PTPRK: variants seen among roughly 807,000 people sequenced by gnomAD.
PTPRK encodes protein tyrosine phosphatase receptor type K.
PTPRK carries 75 observed loss-of-function variants against 178.0 expected under a neutral mutation model. The ratio of observed to expected loss-of-function variants is 0.42; its 90% CI spans 0.35 to 0.51. PTPRK has a LOEUF of 0.51. Ranked by LOEUF, PTPRK falls within the 20% of genes least tolerant of loss-of-function variation. The pLI is 0.02. For missense variants in PTPRK, 1,441 were observed against 1,797.8 expected, an observed-to-expected ratio of 0.80 and a Z score of 3.59; for synonymous variants, 637 against 620.6, an observed-to-expected ratio of 1.03 and a Z score of -0.39.
chr6:128,092,141 G>A (rs759578333), intron 7 of PTPRK, among the ~76,000 whole-genome samples: 1 of 152,140 alleles, frequency 6.6e-6, no homozygotes, highest in African/African-American at 2.4e-5. Flanking sequence ...TAATTTCAGT[G>A]ACCAATACTT....
intron 27 of PTPRK, among the ~76,000 whole-genome samples, chr6:127,976,136 T>C (rs1003163443): frequency 2.0e-5 from 3 of 152,180 alleles, no homozygotes; most frequent in Non-Finnish European, 4.4e-5. Flanking sequence ...CTTAGAGCCA[T>C]AGGTTGAGAC....
intron 7 of PTPRK, among the ~76,000 whole-genome samples, chr6:128,125,609 T>C (rs1793228044): frequency 1.5e-5 from 2 of 130,070 alleles, no homozygotes; most frequent in African/African-American, 2.9e-5. Flanking sequence ...TTTCTTTTTT[T>C]TTTTTTTTTT....
Position 128,067,677 on chromosome 6 carries a change from G to A in PTPRK, c.1999C>T (p.Pro667Ser). 1.2e-6 allele frequency: 2 copies of A among 1,613,746 alleles called. No homozygotes were observed. The highest frequency in any genetic ancestry group is 1.7e-6 in the Non-Finnish European group (2 of 1,179,762). ...TYQNAMSGGA[P>S]YYFAAELPPG... The stretch of plus-strand genomic sequence containing the variant: ...GGGAGTTCTGCAGCAAAGTAATACG[G>A]TGCACCCCCACTCATGGCATTTTGG... The change falls in exon 12 of 30, where the codon CCG becomes TCG. Residue 667 changes from proline (P) to serine (S), a missense_variant. Coordinates refer to ENST00000368226, the MANE Select transcript of PTPRK (RefSeq NM_002844.4).
At chr6:128,505,606 T>C (rs1184966516) in intron 1 of PTPRK, among the ~76,000 whole-genome samples, 1 of 152,200 alleles carries the variant, frequency 6.6e-6, no homozygotes, top group Non-Finnish European at 1.5e-5. Flanking sequence ...CATTCAAGCC[T>C]GCAGTGCAAA....
chr6:128,049,479 A>G (rs1778637885), intron 13 of PTPRK, among the ~76,000 whole-genome samples: 1 of 152,100 alleles, frequency 6.6e-6, no homozygotes. Context: ...GGTTCCACAA[A>G]TAACTATTTA....
intron 2 of PTPRK, among the ~76,000 whole-genome samples, chr6:128,344,096 C>T (rs548750445): frequency 1.3e-5 from 2 of 152,320 alleles, no homozygotes; most frequent in South Asian, 4.1e-4. Flanking sequence ...GTGTTCCAAG[C>T]ATTTGATAGA....
chr6:127,999,205 A>T (rs1207408737), intron 15 of PTPRK, among the ~76,000 whole-genome samples: 1 of 152,022 alleles, frequency 6.6e-6, no homozygotes, highest in Non-Finnish European at 1.5e-5. Flanking sequence ...TTTTTCTTGC[A>T]TCTGTAGTCA....
intron 2 of PTPRK, among the ~76,000 whole-genome samples, chr6:128,368,950 CAA>C (rs369472572): frequency 1.3e-5 from 2 of 150,680 alleles, no homozygotes; most frequent in Non-Finnish European, 2.9e-5. Flanking sequence ...AACAAACAAA[CAA>C]AAAAAAAAAC....
At chr6:128,093,666 A>G (rs28619906) in intron 7 of PTPRK, among the ~76,000 whole-genome samples, 1 of 150,790 alleles carries the variant, frequency 6.6e-6, no homozygotes, top group East Asian at 1.9e-4. Flanking sequence ...ACAAAAAAGG[A>G]AAAAAGAAAC....
intron 7 of PTPRK, among the ~76,000 whole-genome samples, chr6:128,156,746 A>G (rs1798008385): frequency 6.6e-6 from 1 of 152,128 alleles, no homozygotes; most frequent in Middle Eastern, 3.4e-3. Context: ...CTTTATTTAA[A>G]GCAATTATAT....
At chr6:128,284,669 T>TA (rs1822188152) in intron 3 of PTPRK, among the ~76,000 whole-genome samples, 1 of 152,234 alleles carries the variant, frequency 6.6e-6, no homozygotes. Flanking sequence ...GATGCATTTA[T>TA]AGGACATTTT....
intron 6 of PTPRK, among the ~76,000 whole-genome samples, chr6:128,206,984 GA>G (rs1429577901): frequency 1.3e-5 from 2 of 152,120 alleles, no homozygotes; most frequent in African/African-American, 4.8e-5. Flanking sequence ...AGGAGTGTTT[GA>G]TATGCTACTT....
intron 1 of PTPRK, among the ~76,000 whole-genome samples, chr6:128,515,447 A>G (rs1296141626): frequency 6.6e-6 from 1 of 152,178 alleles, no homozygotes; most frequent in Non-Finnish European, 1.5e-5. Flanking sequence ...TTCAAAAGCA[A>G]TTACAACCTT....
chr6:128,118,829 C>T (rs2114383956), intron 7 of PTPRK, among the ~76,000 whole-genome samples: 1 of 152,274 alleles, frequency 6.6e-6, no homozygotes, highest in East Asian at 1.9e-4. Context: ...TCCTCTTAAT[C>T]CTTGGTCATT....
At chr6:128,291,659 A>G (rs1562219574) in intron 3 of PTPRK, among the ~76,000 whole-genome samples, 1 of 152,132 alleles carries the variant, frequency 6.6e-6, no homozygotes, top group Admixed American at 6.6e-5. Context: ...ATAATGAGCA[A>G]TCTCTTCAGG....
chr6:128,328,870 C>CT (rs1829906708), intron 2 of PTPRK, among the ~76,000 whole-genome samples: 1 of 152,074 alleles, frequency 6.6e-6, no homozygotes, highest in Non-Finnish European at 1.5e-5. Flanking sequence ...CATTGTTTTA[C>CT]TTTTTACAAA....
intron 3 of PTPRK, among the ~76,000 whole-genome samples, chr6:128,263,120 G>A (rs1436392682): frequency 6.6e-6 from 1 of 152,078 alleles, no homozygotes; most frequent in African/African-American, 2.4e-5. Context: ...CCAAACACAA[G>A]GAAGACTGTA....
chr6:128,219,176 G>T, intron 5 of PTPRK, 80 bp from the exon 6 acceptor site: 3 of 1,287,764 alleles, frequency 2.3e-6, no homozygotes, highest in East Asian at 4.9e-5. Flanking sequence ...AGCAATATCT[G>T]TGATAAATTA....
At chr6:127,988,932 A>G (rs1776273962) in intron 21 of PTPRK, among the ~76,000 whole-genome samples, 2 of 152,100 alleles carry the variant, frequency 1.3e-5, no homozygotes, top group East Asian at 3.9e-4. Context: ...ATGAGTATAA[A>G]TTTTTCTTAC....
Sources: allele counts gnomAD v4.1 joint callset (sites outside exome capture counted in the v4.1 genomes callset), GRCh38; gene constraint gnomAD v4.1.1; transcripts MANE v1.5; gene names NCBI Gene and HGNC (gene_info 2026-07-23, HGNC 2026-07-21).